EXTL3: variants seen among roughly 807,000 people sequenced by gnomAD.
EXTL3 encodes exostosin-like 3.
Under a neutral mutation model 69.3 loss-of-function variants are expected in EXTL3, and 27 were observed. That is an observed-to-expected ratio of 0.39 (90% CI 0.29 to 0.54). The LOEUF is 0.54. Ranked by LOEUF, EXTL3 falls within the 20% of genes least tolerant of loss-of-function variation. EXTL3 has a pLI of 0.69. For missense variants in EXTL3, 1,003 were observed against 1,231.8 expected (o/e 0.81, Z 2.78); for synonymous variants, 511 against 499.4 (o/e 1.02, Z -0.31).
chr8:28,673,013 C>CT (rs1807322712), intron 1 of EXTL3, among the ~76,000 whole-genome samples: 2 of 152,302 alleles, frequency 1.3e-5, no homozygotes, highest in South Asian at 4.1e-4. Flanking sequence ...TAAGATGTGC[C>CT]TTTAGCCTTC....
At chr8:28,663,958 G>A (rs891695793) in intron 1 of EXTL3, among the ~76,000 whole-genome samples, 1 of 152,148 alleles carries the variant, frequency 6.6e-6, no homozygotes, top group Non-Finnish European at 1.5e-5. Context: ...ATAGACTCCT[G>A]GGAAAAGAGG....
chr8:28,641,515 C>T (rs1806741887), intron 1 of EXTL3, among the ~76,000 whole-genome samples: 1 of 152,184 alleles, frequency 6.6e-6, no homozygotes, highest in South Asian at 2.1e-4. Flanking sequence ...CTCACTCTTT[C>T]CTCCAGGCTG....
At chr8:28,739,259 A>G (rs1285366037) in intron 5 of EXTL3, among the ~76,000 whole-genome samples, 4 of 152,108 alleles carry the variant, frequency 2.6e-5, no homozygotes, top group Admixed American at 2.0e-4. Flanking sequence ...TCTCCCTTAC[A>G]TATCTCCCAT....
chr8:28,669,711 T>C (rs2130638913), intron 1 of EXTL3, among the ~76,000 whole-genome samples: 1 of 152,118 alleles, frequency 6.6e-6, no homozygotes, highest in East Asian at 1.9e-4. Flanking sequence ...ATCTCTAACT[T>C]CTCTGTTCTC....
At chr8:28,660,053 A>C (rs1019213555) in intron 1 of EXTL3, among the ~76,000 whole-genome samples, 5 of 152,176 alleles carry the variant, frequency 3.3e-5, no homozygotes, top group Non-Finnish European at 5.9e-5. Context: ...CAATATTGAC[A>C]CTCAACTTAG....
rs942767874 is a variant in EXTL3, at chr8:28,624,091, G to A, written c.-53+1281G>A. Among the ~76,000 whole-genome samples, 9 of 152,312 alleles carry A rather than the reference G, an allele frequency of 5.9e-5. 1 individual carries two copies. The South Asian group carries it at 1.9e-3, about 32-fold the overall frequency. ...TGTTCTCACCTTACCTATCCCCAGG[G>A]AAAGGAGATAAGTCTCAGAGTTGTT... On this transcript the variant is annotated intron_variant, in intron 1 of 6. Coordinates refer to the EXTL3 transcript ENST00000523149.
At chr8:28,650,784 A>AT (rs1242537180) in intron 1 of EXTL3, among the ~76,000 whole-genome samples, 11 of 152,174 alleles carry the variant, frequency 7.2e-5, no homozygotes, top group Admixed American at 7.2e-4. Context: ...CTAGTTATCT[A>AT]TTCTGGGCTA....
intron 1 of EXTL3, among the ~76,000 whole-genome samples, chr8:28,637,114 C>G (rs1806668909): frequency 6.6e-6 from 1 of 152,154 alleles, no homozygotes; most frequent in Admixed American, 6.6e-5. Flanking sequence ...AAAAATATCC[C>G]AGTAATAACA....
At chr8:28,718,325 A>C (rs1801212404) in intron 3 of EXTL3, 118 bp downstream of exon 3, 3 of 997,642 alleles carry the variant, frequency 3.0e-6, no homozygotes, top group Non-Finnish European at 4.6e-6. Context: ...ATACATGCAT[A>C]CTCATGAAAA....
intron 4 of EXTL3, among the ~76,000 whole-genome samples, chr8:28,733,818 CTTT>C (rs768694070): frequency 7.2e-6 from 1 of 139,110 alleles, no homozygotes; most frequent in Non-Finnish European, 1.6e-5. Context: ...GGATTGTCGT[CTTT>C]TTTTTTTTTT....
chr8:28,738,208 CT>C (rs968582949), intron 5 of EXTL3, among the ~76,000 whole-genome samples: 7 of 152,174 alleles, frequency 4.6e-5, no homozygotes, highest in Admixed American at 2.0e-4. Flanking sequence ...GTTCTGTATT[CT>C]GTTTTTTTCT....
chr8:28,622,807 C>G (rs1054498906), exon 1 of EXTL3: 1 of 152,322 alleles, frequency 6.6e-6, no homozygotes, highest in Admixed American at 6.5e-5. Context: ...GGCGCTGCAG[C>G]GAGGTAGGGG....
In EXTL3 at chr8:28,627,436, G is replaced by A. The variant is rs548359258; in HGVS notation, c.-53+4626G>A. ...TGAGCTGAGGAGGTAGAGAGAGGCTGCAGTGAGCTGTGATTGCATCACTGT... is the reference window on the plus strand; with the variant it reads ...TGAGCTGAGGAGGTAGAGAGAGGCTACAGTGAGCTGTGATTGCATCACTGT... On this transcript the variant is annotated intron_variant, in intron 1 of 6. Coordinates refer to the EXTL3 transcript ENST00000523149. Among the ~76,000 whole-genome samples the A allele has an allele frequency of 2.6e-5, 4 of 151,004 alleles. No individual in the cohort carries two copies. In the East Asian group the frequency reaches 7.8e-4, roughly 29 times the overall value.
At chr8:28,698,465 C>T (rs533719805), upstream of EXTL3, 3 of 152,218 alleles carry the variant, frequency 2.0e-5, no homozygotes, top group African/African-American at 4.8e-5. Flanking sequence ...ATCTGGCAGC[C>T]GATACTTCCC....
intron 1 of EXTL3, among the ~76,000 whole-genome samples, chr8:28,674,804 A>G (rs930852994): frequency 7.9e-5 from 12 of 152,184 alleles, no homozygotes; most frequent in Non-Finnish European, 1.6e-4. Flanking sequence ...TTTGCTTCCC[A>G]ACAACCCCAG....
intron 6 of EXTL3, among the ~76,000 whole-genome samples, chr8:28,746,042 G>C (rs1398984578): frequency 1.3e-5 from 2 of 152,036 alleles, no homozygotes; most frequent in Non-Finnish European, 1.5e-5. Context: ...GAACCAGTTT[G>C]AATTAAATAT....
chr8:28,609,596 G>A (rs1806245169), intron 2 of EXTL3, among the ~76,000 whole-genome samples: 1 of 152,020 alleles, frequency 6.6e-6, no homozygotes, highest in Non-Finnish European at 1.5e-5. Flanking sequence ...CTTTTGAGAT[G>A]TATGCAAGGC....
chr8:28,685,683 T>G (rs1246216499), intron 1 of EXTL3, among the ~76,000 whole-genome samples: 1 of 152,114 alleles, frequency 6.6e-6, no homozygotes, highest in Non-Finnish European at 1.5e-5. Context: ...CAGAATTATA[T>G]GGCATTTTGC....
intron 1 of EXTL3, among the ~76,000 whole-genome samples, chr8:28,703,570 G>GCTGCAGGAGTGATGCGGAGTC (rs1252145763): frequency 6.6e-6 from 1 of 152,168 alleles, no homozygotes; most frequent in African/African-American, 2.4e-5. Flanking sequence ...GTGATGAGGG[G>GCTGCAGGAGTGATGCGGAGTC]CTGCAGGAGT....
Sources: gnomAD v4.1 joint callset for allele counts (sites outside exome capture counted in the v4.1 genomes callset) on GRCh38, gnomAD v4.1.1 for gene constraint, MANE v1.5 for transcripts, NCBI Gene and HGNC (gene_info 2026-07-23, HGNC 2026-07-21) for gene names.